The following RPS6KA5 variants were observed in gnomAD, a reference collection of about 807,000 sequenced individuals.
RPS6KA5 encodes ribosomal protein S6 kinase alpha-5.
In RPS6KA5, 27 loss-of-function variants were observed where a neutral mutation model predicts 85.5. The observed-to-expected ratio is 0.32, with a 90% confidence interval of 0.23 to 0.44. The LOEUF is 0.44. Ranked by LOEUF, RPS6KA5 falls within the 20% of genes least tolerant of loss-of-function variation. The pLI, the probability that RPS6KA5 is intolerant of heterozygous loss-of-function variation, is 1.00. For missense variants in RPS6KA5, 811 were observed against 980.9 expected, an observed-to-expected ratio of 0.83 and a Z score of 2.31; for synonymous variants, 334 against 348.2, an observed-to-expected ratio of 0.96 and a Z score of 0.46.
Position 90,900,747 on chromosome 14 carries a change from G to A in RPS6KA5, c.1120-11C>T. ...AACAAAGGAATAGCCCTAAAAACAA[G>A]ACAAAGAAAGATAAAGAAAAACAAC... On this transcript the variant is annotated splice_polypyrimidine_tract_variant and intron_variant, in intron 9 of 16. Transcript: ENST00000614987. The A allele has an allele frequency of 6.3e-7, 1 of 1,597,394 alleles. No homozygotes were observed. The highest frequency in any genetic ancestry group is 8.5e-7 in the Non-Finnish European group (1 of 1,173,450).
chr14:90,931,158 C>T lies in RPS6KA5; in HGVS notation c.619-7962G>A, dbSNP rs559355522. 2.2e-4 allele frequency among the ~76,000 whole-genome samples: 33 copies of T among 152,122 alleles called. No homozygotes were observed. The South Asian group carries it at 4.8e-3, about 22-fold the overall frequency. ...ATCCAAATGTCCATCAACAGATAAACGAATAAACAAAATGTGGCATATAAA... is the reference window on the plus strand; with the variant it reads ...ATCCAAATGTCCATCAACAGATAAATGAATAAACAAAATGTGGCATATAAA... On this transcript the variant is annotated intron_variant, in intron 5 of 16. Transcript: ENST00000614987.
At chr14:90,983,255 G>A (rs1279227859) in intron 2 of RPS6KA5, among the ~76,000 whole-genome samples, 1 of 148,326 alleles carries the variant, frequency 6.7e-6, no homozygotes, top group Non-Finnish European at 1.5e-5. Context: ...CCAGCCTGGG[G>A]GACAGAGCAG....
rs116442978 is a variant in RPS6KA5 at position 90,917,097 on chromosome 14, G to A, written c.806+3109C>T. Among the ~76,000 whole-genome samples, 708 of 152,272 alleles carry A rather than the reference G, an allele frequency of 4.6e-3. 4 individuals are homozygous for A. The highest frequency in any genetic ancestry group is 0.027 in the Middle Eastern group (8 of 294). On this transcript the variant is annotated intron_variant, in intron 7 of 16. Coordinates refer to ENST00000614987, the MANE Select transcript of RPS6KA5 (RefSeq NM_004755.4). ...TAGTACCTGTCACCATGACAGGTATGATCTTACAACTGGACCCAAATTCTC... is the reference window on the plus strand; with the variant it reads ...TAGTACCTGTCACCATGACAGGTATAATCTTACAACTGGACCCAAATTCTC...
chr14:90,893,708 A>G (rs2034680151), intron 13 of RPS6KA5, among the ~76,000 whole-genome samples: 1 of 152,080 alleles, frequency 6.6e-6, no homozygotes, highest in Non-Finnish European at 1.5e-5. Flanking sequence ...AGTCATCATT[A>G]TCTTTTTATA....
rs917350517 is a variant in RPS6KA5 at position 91,060,561 on chromosome 14, CAA to C, written c.-129_-128del. 2 of 1,152,218 alleles carry C rather than the reference CAA, an allele frequency of 1.7e-6. No homozygotes were observed. The highest frequency in any genetic ancestry group is 3.2e-5 in the African/African-American group (2 of 62,130). 71.4% of individuals were successfully genotyped at this position (1,152,218 alleles called of 1,614,324 possible). ...GTGCGGCGGCTCCAGAACTCGGACGCAAAGACGAGTCTCTTTCCCGCTCTGGC... is the reference window on the plus strand; with the variant it reads ...GTGCGGCGGCTCCAGAACTCGGACGCAGACGAGTCTCTTTCCCGCTCTGGC... On this transcript the variant is annotated 5_prime_UTR_variant, in exon 1 of 17. Transcript: ENST00000614987.
At chr14:90,945,715 A>G (rs2037836882) in intron 4 of RPS6KA5, among the ~76,000 whole-genome samples, 5 of 152,226 alleles carry the variant, frequency 3.3e-5, no homozygotes, top group African/African-American at 1.2e-4. Context: ...TTTCACATAA[A>G]TTAAAAACCG....
At chr14:91,042,301 G>C (rs1345701255) in intron 1 of RPS6KA5, among the ~76,000 whole-genome samples, 1 of 152,050 alleles carries the variant, frequency 6.6e-6, no homozygotes, top group African/African-American at 2.4e-5. Flanking sequence ...ACGAGGTCAG[G>C]AGTTCAAGAC....
chr14:91,060,008 C>T lies in RPS6KA5; in HGVS notation c.103+324G>A, dbSNP rs375209493. ...TTCGCCCTGACAGGACGCAGACACACGTGTGTCACCTGTGCGGGAAGGGGG... is the reference window on the plus strand; with the variant it reads ...TTCGCCCTGACAGGACGCAGACACATGTGTGTCACCTGTGCGGGAAGGGGG... On this transcript the variant is annotated intron_variant, in intron 1 of 16. Transcript: ENST00000614987. The T allele has an allele frequency of 4.5e-5, 44 of 977,842 alleles. 1 individual carries two copies. In the East Asian group the frequency reaches 1.4e-3, roughly 30 times the overall value. The allele number at this position is 977,842 out of a possible 1,614,324, so 60.6% of individuals were successfully genotyped here. A position where few individuals can be genotyped will look rare whatever the true frequency, so the allele number is the denominator to read the frequency against.
In RPS6KA5 at chr14:90,990,914, A is replaced by G. The variant is rs144118945; in HGVS notation, c.175+10174T>C. Among the ~76,000 whole-genome samples the G allele has an allele frequency of 8.0e-4, 122 of 152,294 alleles. 2 individuals are homozygous for G. The highest frequency in any genetic ancestry group is 4.1e-3 in the Admixed American group (63 of 15,296). On this transcript the variant is annotated intron_variant, in intron 2 of 16. Coordinates refer to ENST00000614987, the MANE Select transcript of RPS6KA5 (RefSeq NM_004755.4). Reference sequence around the variant, plus strand: ...GGAGAAGGGTGATGGTTGAAAAACTACATATAGGGTACTATGCTCACTACC... The same window carrying G: ...GGAGAAGGGTGATGGTTGAAAAACTGCATATAGGGTACTATGCTCACTACC...
intron 1 of RPS6KA5, among the ~76,000 whole-genome samples, chr14:91,059,851 G>C (rs1375707321): frequency 6.6e-6 from 1 of 152,228 alleles, no homozygotes; most frequent in Non-Finnish European, 1.5e-5. Context: ...TCTCCTACAG[G>C]ACCCCAGCAC....
chr14:90,872,094 A>C lies in RPS6KA5; in HGVS notation c.2389T>G (p.Phe797Val). 5.6e-6 allele frequency: 9 copies of C among 1,613,302 alleles called. No homozygotes were observed. The highest frequency in any genetic ancestry group is 7.6e-6 in the Non-Finnish European group (9 of 1,179,686). The change falls in exon 17 of 17, where the codon TTC becomes GTC. Residue 797 changes from phenylalanine to valine, a missense_variant. This residue lies in a region of RPS6KA5 where 650 missense variants were observed against 793.4 expected (regional missense o/e 0.82). Transcript: ENST00000614987. ...DSNNPETLFQ[F>V]SDSVA ...CATGCCTAAGCTACTGAGTCCGAGA[A>C]CTGGAAGAGGGTCTCCGGGTTATTG... is the stretch of plus-strand genomic sequence containing the variant.
rs558899751 is a variant in RPS6KA5 at position 90,965,594 on chromosome 14, C to T, written c.394+12712G>A. Among the ~76,000 whole-genome samples, 7 of 152,088 alleles carry T rather than the reference C, an allele frequency of 4.6e-5. No homozygotes were observed. The South Asian group carries it at 6.2e-4, about 14-fold the overall frequency. On this transcript the variant is annotated intron_variant, in intron 3 of 16. Coordinates refer to ENST00000614987, the MANE Select transcript of RPS6KA5 (RefSeq NM_004755.4). The stretch of plus-strand genomic sequence containing the variant: ...GCTGGGAAAGTTCACATGCAGTTCA[C>T]GAGAGAGGGGTAAAATGCTCACTAA...
chr14:90,892,701 T>C (rs757816074), intron 13 of RPS6KA5, among the ~76,000 whole-genome samples: 31 of 152,230 alleles, frequency 2.0e-4, no homozygotes, highest in Non-Finnish European at 4.0e-4. Flanking sequence ...TCCACATAGC[T>C]ACCTACCAAA....
At chr14:91,014,888 T>A (rs1006463699) in intron 1 of RPS6KA5, among the ~76,000 whole-genome samples, 1 of 152,216 alleles carries the variant, frequency 6.6e-6, no homozygotes, top group African/African-American at 2.4e-5. Context: ...ATAAACTTTA[T>A]AAAATGTTTT....
At chr14:90,879,652 T>A (rs2033699703) in intron 14 of RPS6KA5, among the ~76,000 whole-genome samples, 1 of 152,180 alleles carries the variant, frequency 6.6e-6, no homozygotes, top group South Asian at 2.1e-4. Context: ...TAGCACATGC[T>A]CTGCTCTCTT....
intron 8 of RPS6KA5, among the ~76,000 whole-genome samples, chr14:90,905,483 A>G (rs1429552710): frequency 6.6e-6 from 1 of 152,214 alleles, no homozygotes; most frequent in Non-Finnish European, 1.5e-5. Context: ...GGAAATAACT[A>G]GCCAACTCAG....
chr14:90,941,601 T>G (rs535887729), intron 5 of RPS6KA5, among the ~76,000 whole-genome samples: 1 of 152,210 alleles, frequency 6.6e-6, no homozygotes, highest in Non-Finnish European at 1.5e-5. Context: ...GGGGCAGAGA[T>G]AGGATCTGGG....
intron 3 of RPS6KA5, among the ~76,000 whole-genome samples, chr14:90,962,362 G>A (rs952704813): frequency 6.6e-6 from 1 of 151,028 alleles, no homozygotes; most frequent in East Asian, 2.0e-4. Flanking sequence ...GGAGTGCAGT[G>A]GCACTATCAC....
At chr14:91,032,968 G>C (rs1297135582) in intron 1 of RPS6KA5, among the ~76,000 whole-genome samples, 2 of 151,858 alleles carry the variant, frequency 1.3e-5, no homozygotes, top group African/African-American at 4.8e-5. Flanking sequence ...TCAGGAGATC[G>C]AGACCAGGAG....
Sources: allele counts gnomAD v4.1 joint callset (sites outside exome capture counted in the v4.1 genomes callset), GRCh38; gene constraint gnomAD v4.1.1; regional missense constraint gnomAD v4.1.1; transcripts MANE v1.5; gene names NCBI Gene and HGNC (gene_info 2026-07-23, HGNC 2026-07-21).